Variants in MAP3K2 observed in about 807,000 individuals in gnomAD.
MAP3K2 encodes the protein mitogen-activated protein kinase kinase kinase 2, also known as MAP/ERK kinase kinase 2.
A neutral mutation model predicts 80.3 loss-of-function variants in MAP3K2; 24 were observed. The ratio of observed to expected loss-of-function variants is 0.30; its 90% CI spans 0.22 to 0.42. The LOEUF (loss-of-function observed/expected upper bound fraction) is 0.42. MAP3K2 is among the 10% of genes least tolerant of loss of function. MAP3K2 has a pLI of 1.00. For missense variants in MAP3K2, 608 were observed against 750.1 expected (o/e 0.81, Z 2.21); for synonymous variants, 244 against 253.7 (o/e 0.96, Z 0.36).
chr2:127,312,817 C>T (rs1685833484), intron 15 of MAP3K2, among the ~76,000 whole-genome samples: 1 of 152,136 alleles, frequency 6.6e-6, no homozygotes, highest in Middle Eastern at 3.4e-3. Flanking sequence ...ACAAAATTAG[C>T]CGGGTGTGAT....
At chr2:127,323,003 T>C (rs1686056481) in intron 11 of MAP3K2, among the ~76,000 whole-genome samples, 1 of 150,428 alleles carries the variant, frequency 6.6e-6, no homozygotes, top group Non-Finnish European at 1.5e-5. Flanking sequence ...CAGTGGCTCA[T>C]GCCTGTAATC....
chr2:127,354,738 AAG>A lies in MAP3K2; in HGVS notation c.-65-11546_-65-11545del, dbSNP rs372896064. 3.3e-3 allele frequency among the ~76,000 whole-genome samples: 509 copies of A among 152,210 alleles called. 11 individuals carry two copies. The highest frequency in any genetic ancestry group is 0.012 in the African/African-American group (487 of 41,464). ...ATTGAATCAAAAAGTACCAAATATG[AAG>A]AGAGGCAGGAAAATGTGAGCCAGTC... On this transcript the variant is annotated intron_variant, in intron 1 of 16. Coordinates refer to ENST00000682094, the MANE Select transcript of MAP3K2 (RefSeq NM_001371910.2).
rs555845600 is a variant in MAP3K2, at chr2:127,342,269, A to G, written c.4+857T>C. ...TCATGACTACAGAAGAGGAAGTGGA[A>G]GAACAATTTTTAAAGTAGGGAGGTG... is the stretch of plus-strand genomic sequence containing the variant. On this transcript the variant is annotated intron_variant, in intron 2 of 16. Transcript: ENST00000682094. Among the ~76,000 whole-genome samples the G allele has an allele frequency of 3.9e-5, 6 of 152,274 alleles. No homozygotes were observed. In the South Asian group the frequency reaches 1.0e-3, roughly 26 times the overall value.
chr2:127,345,245 C>A (rs1686577378), intron 1 of MAP3K2, among the ~76,000 whole-genome samples: 1 of 152,052 alleles, frequency 6.6e-6, no homozygotes, highest in African/African-American at 2.4e-5. Context: ...AGTGGCTACA[C>A]CACTATCAGG....
chr2:127,303,912 A>G lies in MAP3K2; in HGVS notation c.*3667T>C, dbSNP rs899094805. The G allele has an allele frequency of 4.6e-5, 7 of 152,156 alleles. No homozygotes were observed. The highest frequency in any genetic ancestry group is 9.7e-5 in the African/African-American group (4 of 41,444). The allele number at this position is 152,156 out of a possible 1,614,324, so 9.4% of individuals were successfully genotyped here. On this transcript the variant is annotated 3_prime_UTR_variant, in exon 17 of 17. Coordinates refer to ENST00000682094, the MANE Select transcript of MAP3K2 (RefSeq NM_001371910.2). ...GATTTTATTTTCTAAGTGATTTCACATATCTTATAACAACTCCATGTCAGA... is the reference window on the plus strand; with the variant it reads ...GATTTTATTTTCTAAGTGATTTCACGTATCTTATAACAACTCCATGTCAGA...
chr2:127,318,879 C>A (rs1685957804), intron 12 of MAP3K2, among the ~76,000 whole-genome samples: 1 of 152,182 alleles, frequency 6.6e-6, no homozygotes, highest in Non-Finnish European at 1.5e-5. Context: ...TGTGGCAAAG[C>A]ACAGACAAAG....
At position 127,307,883 on chromosome 2, in the gene MAP3K2, G is replaced by GC. The variant is rs1685732358; in HGVS notation, c.1635-80dup. 1.1e-6 allele frequency: 1 copy of GC among 891,944 alleles called. No individual in the cohort carries two copies. The highest frequency in any genetic ancestry group is 1.7e-6 in the Non-Finnish European group (1 of 583,654). 55.3% of individuals were successfully genotyped at this position (891,944 alleles called of 1,614,324 possible). A position where few individuals can be genotyped will look rare whatever the true frequency, so the allele number is the denominator to read the frequency against. ...TAGTTAGCTAGAAAATGAGAAACAGGCATTAAGTCCATATATATTTAAATA... is the reference window on the plus strand; with the variant it reads ...TAGTTAGCTAGAAAATGAGAAACAGGCCATTAAGTCCATATATATTTAAATA... On this transcript the variant is annotated intron_variant, in intron 16 of 16. Transcript: ENST00000682094. The surrounding 1 kb of genome is among the most constrained non-coding windows in gnomAD (Gnocchi z 5.4).
chr2:127,356,174 C>T (rs1441681893), intron 1 of MAP3K2, among the ~76,000 whole-genome samples: 1 of 152,048 alleles, frequency 6.6e-6, no homozygotes, highest in Non-Finnish European at 1.5e-5. Context: ...TTTCAAACTC[C>T]TGTTAATGTT....
chr2:127,330,715 TTTTC>T (rs1266704689), intron 5 of MAP3K2, among the ~76,000 whole-genome samples: 2 of 152,224 alleles, frequency 1.3e-5, no homozygotes, highest in Non-Finnish European at 2.9e-5. Context: ...GTTTTTAAAT[TTTTC>T]TTTATTAATC....
chr2:127,388,183 C>T, upstream of MAP3K2: 12 of 984,676 alleles, frequency 1.2e-5, no homozygotes, highest in Non-Finnish European at 1.4e-5. Context: ...GCCCCGGCCT[C>T]GGCCCCGCCC....
chr2:127,314,944 T>C lies in MAP3K2; in HGVS notation c.1327-61A>G, dbSNP rs1685873165. 3.1e-5 allele frequency: 38 copies of C among 1,227,808 alleles called. No individual in the cohort carries two copies. In the South Asian group the frequency reaches 5.1e-4, roughly 16 times the overall value. 76.1% of individuals were successfully genotyped at this position (1,227,808 alleles called of 1,614,324 possible). A position where few individuals can be genotyped will look rare whatever the true frequency, so the allele number is the denominator to read the frequency against. On this transcript the variant is annotated intron_variant, in intron 14 of 16. Coordinates refer to ENST00000682094, the MANE Select transcript of MAP3K2 (RefSeq NM_001371910.2). ...ATATGGTTTGAAATGAAAACTGCTA[T>C]TAAATCTTTATCAGTAAAGAGGGCA...
rs1390179372 is a variant in MAP3K2 at position 127,387,838 on chromosome 2, G to C, written c.-452C>G. The C allele has an allele frequency of 1.0e-6, 1 of 984,894 alleles. No individual in the cohort carries two copies. The highest frequency in any genetic ancestry group is 1.2e-6 in the Non-Finnish European group (1 of 829,744). The allele number at this position is 984,894 out of a possible 1,614,324, so 61.0% of individuals were successfully genotyped here. A position where few individuals can be genotyped will look rare whatever the true frequency, so the allele number is the denominator to read the frequency against. The stretch of plus-strand genomic sequence containing the variant: ...TGGCGACTCTGCGGACAGGGGCGCC[G>C]AGCGTCCTGGTCGTTGTTTTCGTCG... On this transcript the variant is annotated 5_prime_UTR_variant, in exon 1 of 17. Coordinates refer to ENST00000682094, the MANE Select transcript of MAP3K2 (RefSeq NM_001371910.2).
intron 1 of MAP3K2, among the ~76,000 whole-genome samples, chr2:127,346,597 A>AT (rs1430803569): frequency 1.3e-5 from 2 of 152,108 alleles, no homozygotes; most frequent in Non-Finnish European, 2.9e-5. Flanking sequence ...TAAAAAACAA[A>AT]TTATATACCA....
At chr2:127,315,124 T>C (rs1685876169) in intron 14 of MAP3K2, among the ~76,000 whole-genome samples, 1 of 152,226 alleles carries the variant, frequency 6.6e-6, no homozygotes, top group Non-Finnish European at 1.5e-5. Flanking sequence ...AAAGTTTTTT[T>C]CTTTATATAC....
At chr2:127,353,620 G>C (rs933137870) in intron 1 of MAP3K2, among the ~76,000 whole-genome samples, 13 of 151,110 alleles carry the variant, frequency 8.6e-5, no homozygotes, top group East Asian at 2.0e-4. Context: ...AGGGAGGTGG[G>C]GGGGGTCAAA....
chr2:127,325,925 A>T (rs945912329), intron 8 of MAP3K2, 118 bp from the exon 9 acceptor site: 2 of 681,500 alleles, frequency 2.9e-6, no homozygotes, highest in Non-Finnish European at 5.1e-6. Context: ...CATTTAAAGT[A>T]TACAAGTCAA....
At chr2:127,332,080 C>T (rs1268130621) in intron 5 of MAP3K2, among the ~76,000 whole-genome samples, 2 of 152,186 alleles carry the variant, frequency 1.3e-5, no homozygotes, top group Non-Finnish European at 2.9e-5. Flanking sequence ...GGGCTCTTTT[C>T]GCTCTATGAG....
chr2:127,326,759 G>C lies in MAP3K2; in HGVS notation c.525C>G (p.His175Gln). The change falls in exon 8 of 17, where the codon CAC becomes CAG. Residue 175 changes from histidine (H) to glutamine (Q), a missense_variant. His to Gln is a conservative substitution (Grantham distance 24, BLOSUM62 0). Coordinates refer to ENST00000682094, the MANE Select transcript of MAP3K2 (RefSeq NM_001371910.2). ...PPPGYIPDEL[H>Q]QVARNGSFTS... ...TGAATGACCCATTCCGGGCAACCTGGTGTAATTCATCTGGAATGTAACCTG... is the reference window on the plus strand; with the variant it reads ...TGAATGACCCATTCCGGGCAACCTGCTGTAATTCATCTGGAATGTAACCTG... 6.2e-7 allele frequency: 1 copy of C among 1,606,002 alleles called. No homozygotes were observed. Among genetic ancestry groups the C allele is most frequent in the Non-Finnish European group, 8.5e-7 (1 of 1,175,196 alleles).
chr2:127,359,716 G>C (rs1462691728), intron 1 of MAP3K2, among the ~76,000 whole-genome samples: 1 of 152,082 alleles, frequency 6.6e-6, no homozygotes, highest in African/African-American at 2.4e-5. Flanking sequence ...TCTCCTGGTG[G>C]TGTTCCTGAG....
Sources: allele counts gnomAD v4.1 joint callset (sites outside exome capture counted in the v4.1 genomes callset), GRCh38; gene constraint gnomAD v4.1.1; non-coding constraint Gnocchi (gnomAD v3.1); transcripts MANE v1.5; gene names NCBI Gene and HGNC (gene_info 2026-07-23, HGNC 2026-07-21).